ZNF823: variants seen among roughly 807,000 people sequenced by gnomAD.
ZNF823 encodes zinc finger protein 823.
ZNF823 carries 5 observed loss-of-function variants against 11.4 expected under a neutral mutation model. The ratio of observed to expected loss-of-function variants is 0.44; its 90% confidence interval spans 0.23 to 0.92. The LOEUF is 0.92. Ranked by LOEUF, ZNF823 falls within the 40% of genes least tolerant of loss-of-function variation. The probability of loss-of-function intolerance (pLI) is 0.24; values close to 1 mark genes in which losing one functional copy is unlikely to be tolerated. For synonymous variants in ZNF823, 234 were observed against 250.5 expected (o/e 0.93, Z 0.62); for missense variants, 582 against 738.5 (o/e 0.79, Z 2.46).
intron 1 of ZNF823, among the ~76,000 whole-genome samples, chr19:11,732,088 G>C (rs563773641): frequency 4.5e-4 from 68 of 150,690 alleles, no homozygotes; most frequent in African/African-American, 1.6e-3. Context: ...TTACTAGTTT[G>C]TTATAAAGGA....
intron 1 of ZNF823, chr19:11,730,817 T>G (rs1193113542): frequency 6.6e-6 from 1 of 151,722 alleles, no homozygotes; most frequent in African/African-American, 2.4e-5. Flanking sequence ...CCAGCACATT[T>G]CCCCCTATAT....
chr19:11,735,479 C>T (rs1026277573), intron 1 of ZNF823, among the ~76,000 whole-genome samples: 2 of 152,116 alleles, frequency 1.3e-5, no homozygotes, highest in Non-Finnish European at 2.9e-5. Context: ...CAGGGCATCA[C>T]ACCACATGTC....
At position 11,721,609 on chromosome 19, in the gene ZNF823, C is replaced by G; in HGVS notation, c.*92G>C. The G allele has an allele frequency of 7.8e-7, 1 of 1,276,768 alleles. No individual in the cohort carries two copies. The highest frequency in any genetic ancestry group is 1.1e-6 in the Non-Finnish European group (1 of 928,852). 79.1% of individuals were successfully genotyped at this position (1,276,768 alleles called of 1,614,324 possible). On this transcript the variant is annotated 3_prime_UTR_variant, in exon 4 of 4. Transcript: ENST00000341191. The stretch of plus-strand genomic sequence containing the variant: ...AAATTGAAACTACTTAAGGCTTTAT[C>G]CCATGTTTACATTCATAGGGTCTAT...
chr19:11,728,045 T>G (rs1182058081), intron 1 of ZNF823, among the ~76,000 whole-genome samples: 1 of 152,008 alleles, frequency 6.6e-6, no homozygotes, highest in East Asian at 1.9e-4. Flanking sequence ...ATTAGCTAAT[T>G]TTTTTGTATT....
intron 1 of ZNF823, among the ~76,000 whole-genome samples, chr19:11,733,741 G>T (rs529113673): frequency 6.6e-6 from 1 of 152,054 alleles, no homozygotes; most frequent in Non-Finnish European, 1.5e-5. Flanking sequence ...TTATATCACA[G>T]ACCCAAATAA....
intron 1 of ZNF823, among the ~76,000 whole-genome samples, chr19:11,726,521 T>G (rs1974796055): frequency 7.0e-6 from 1 of 142,904 alleles, no homozygotes; most frequent in African/African-American, 2.9e-5. Flanking sequence ...ATTCATAGAT[T>G]AATGGCTTAA....
rs769535403 is a variant in ZNF823 at position 11,722,030 on chromosome 19, T to G, written c.1504A>C (p.Lys502Gln). ...THTVEKPYEC[K>Q]TCRKAFSHFS... ...TGACTGAAGGCTTTTCTACATGTTT[T>G]ACACTCATAAGGTTTTTCTACTGTG... Residue 502 changes from lysine (K) to glutamine (Q), a missense_variant, in exon 4 of 4, where the codon AAA (lysine) becomes CAA (glutamine). Lys to Gln is a moderately conservative substitution (Grantham distance 53, BLOSUM62 1). Around this residue, in one of 3 missense-constraint regions of ZNF823, gnomAD observed 144 missense variants for 154.3 expected, o/e 0.93. Transcript: ENST00000341191. The surrounding 1 kb of genome is among the most constrained non-coding windows in gnomAD (Gnocchi z 5.2). The G allele has an allele frequency of 1.7e-5, 28 of 1,613,864 alleles. No homozygotes were observed. The highest frequency in any genetic ancestry group is 2.2e-5 in the Non-Finnish European group (26 of 1,180,008).
At chr19:11,738,629 G>T (rs1284055161) in intron 1 of ZNF823, among the ~76,000 whole-genome samples, 188 bp downstream of exon 1, 1 of 152,240 alleles carries the variant, frequency 6.6e-6, no homozygotes, top group African/African-American at 2.4e-5. Flanking sequence ...CAGGACGCCC[G>T]GGGTCCCGGC....
In ZNF823 at chr19:11,725,304, C is replaced by T. The variant is rs1314967864; in HGVS notation, c.27G>A (p.Val9=). The T allele has an allele frequency of 1.2e-6, 2 of 1,614,036 alleles. No homozygotes were observed. Residue 9 remains valine, a synonymous_variant, in exon 2 of 4, where the codon GTG becomes GTA. Coordinates refer to ENST00000341191, the MANE Select transcript of ZNF823 (RefSeq NM_001080493.4). MDSVAFED[V]AVNFTQEEWA... Reference sequence around the variant, plus strand: ...ACTCCTCTTGTGTGAAGTTCACAGCCACATCTTCAAAGGCCACTGAGTCCT... The same window carrying T: ...ACTCCTCTTGTGTGAAGTTCACAGCTACATCTTCAAAGGCCACTGAGTCCT...
At chr19:11,731,753 T>A (rs918066419) in intron 1 of ZNF823, among the ~76,000 whole-genome samples, 4 of 152,182 alleles carry the variant, frequency 2.6e-5, no homozygotes, top group African/African-American at 9.6e-5. Context: ...CTCACGCCTG[T>A]AATCCCAGCA....
chr19:11,728,246 A>T (rs1447895801), intron 1 of ZNF823, among the ~76,000 whole-genome samples: 1 of 152,184 alleles, frequency 6.6e-6, no homozygotes, highest in Non-Finnish European at 1.5e-5. Flanking sequence ...ACTGCTTCAA[A>T]ATGTTGCAAA....
At chr19:11,737,350 G>A (rs1330368583) in intron 1 of ZNF823, among the ~76,000 whole-genome samples, 1 of 151,906 alleles carries the variant, frequency 6.6e-6, no homozygotes, top group South Asian at 2.1e-4. Flanking sequence ...CGCAACCTCC[G>A]CCTACCGGGT....
Position 11,726,309 on chromosome 19 carries a change from AAT to A in ZNF823, c.4-984_4-983del, listed in dbSNP as rs1568467642. Among the ~76,000 whole-genome samples, 175 of 95,446 alleles carry A rather than the reference AAT, an allele frequency of 1.8e-3. 1 individual carries two copies. The highest frequency in any genetic ancestry group is 5.2e-3 in the African/African-American group (170 of 32,664). The allele number at this position is 95,446 out of a possible 152,430, so 62.6% of individuals were successfully genotyped here. A position where few individuals can be genotyped will look rare whatever the true frequency, so the allele number is the denominator to read the frequency against. ...ATACATATATATATATATATATATA[AAT>A]TTTTTTTTAACTTAACTCCTATTCC... is the stretch of plus-strand genomic sequence containing the variant. On this transcript the variant is annotated intron_variant, in intron 1 of 3. Transcript: ENST00000341191.
chr19:11,723,460 T>C (rs1041902086), intron 3 of ZNF823, 118 bp from the exon 4 acceptor site: 2 of 901,994 alleles, frequency 2.2e-6, no homozygotes, highest in Non-Finnish European at 3.3e-6. Context: ...CATCCCCTGT[T>C]TGAATGTGAA....
chr19:11,725,411 T>C lies in ZNF823; in HGVS notation c.4-84A>G, dbSNP rs1417906934. On this transcript the variant is annotated intron_variant, in intron 1 of 3. Coordinates refer to ENST00000341191, the MANE Select transcript of ZNF823 (RefSeq NM_001080493.4). ...TACTCACTGCATAAACTTTGCATGATGCTGTGGTTTCCAAGCATTTATTCG... is the reference window on the plus strand; with the variant it reads ...TACTCACTGCATAAACTTTGCATGACGCTGTGGTTTCCAAGCATTTATTCG... 3 of 1,566,754 alleles carry C rather than the reference T, an allele frequency of 1.9e-6. No homozygotes were observed. The African/African-American group carries it at 4.1e-5, about 21-fold the overall frequency.
At position 11,724,286 on chromosome 19, in the gene ZNF823, A is replaced by C. The variant is rs897623378; in HGVS notation, c.131-32T>G. On this transcript the variant is annotated intron_variant, in intron 2 of 3. Transcript: ENST00000341191. ...GGTAGACCCAGGAAAATCACTAAAA[A>C]TGTTTACAAAATTATAGAAAAACTC... The C allele has an allele frequency of 1.9e-6, 3 of 1,572,412 alleles. No homozygotes were observed. The African/African-American group carries it at 4.1e-5, about 22-fold the overall frequency.
At chr19:11,738,287 A>G (rs1975032321) in intron 1 of ZNF823, among the ~76,000 whole-genome samples, 1 of 152,096 alleles carries the variant, frequency 6.6e-6, no homozygotes, top group Non-Finnish European at 1.5e-5. Context: ...CCCACAAGGG[A>G]ACCCACTCAG....
chr19:11,727,668 A>C (rs982706073), intron 1 of ZNF823, among the ~76,000 whole-genome samples: 8 of 152,200 alleles, frequency 5.3e-5, no homozygotes, highest in African/African-American at 1.9e-4. Context: ...AACAAACAGA[A>C]AAAGGAAAGC....
chr19:11,738,803 C>T lies in ZNF823; in HGVS notation c.3+14G>A. 1 of 1,609,946 alleles carries T rather than the reference C, an allele frequency of 6.2e-7. No homozygotes were observed. The highest frequency in any genetic ancestry group is 1.7e-4 in the Middle Eastern group (1 of 6,046). On this transcript the variant is annotated intron_variant, in intron 1 of 3. Transcript: ENST00000341191. ...CCCTTCTTTGCCTCGGGACGCCGGG[C>T]CCCGCACACTCACCATTTCCCAGCT...
Sources: allele counts gnomAD v4.1 joint callset (sites outside exome capture counted in the v4.1 genomes callset), GRCh38; gene constraint gnomAD v4.1.1; regional missense constraint gnomAD v4.1.1; non-coding constraint Gnocchi (gnomAD v3.1); transcripts MANE v1.5; gene names NCBI Gene and HGNC (gene_info 2026-07-23, HGNC 2026-07-21).